Variants in NAA11 observed in about 807,000 individuals in gnomAD.
NAA11 encodes the protein N-alpha-acetyltransferase 11, NatA catalytic subunit.
NAA11 carries 15 observed loss-of-function variants against 16.1 expected under a neutral mutation model. The ratio of observed to expected loss-of-function variants is 0.93; its 90% CI spans 0.62 to 1.44. The LOEUF (loss-of-function observed/expected upper bound fraction) is 1.44, where lower values mean the gene tolerates loss of function less well. Ranked by LOEUF, NAA11 falls within the 40% of genes most tolerant of loss-of-function variation. The probability of loss-of-function intolerance (pLI) is 0.00; values close to 1 mark genes in which losing one functional copy is unlikely to be tolerated. For synonymous variants in NAA11, 122 were observed against 112.4 expected, an observed-to-expected ratio of 1.09 and a Z score of -0.54; for missense variants, 298 against 291.3, an observed-to-expected ratio of 1.02 and a Z score of -0.17.
intron 1 of NAA11, chr4:79,299,714 C>T (rs1407283923): frequency 9.2e-5 from 14 of 152,120 alleles, no homozygotes; most frequent in Admixed American, 9.2e-4. Context: ...ATTGTTTCCT[C>T]ATTTTATGGA....
downstream of NAA11, among the ~76,000 whole-genome samples, chr4:79,223,508 G>C (rs1484667492): frequency 9.0e-6 from 1 of 111,370 alleles, no homozygotes; most frequent in Non-Finnish European, 1.8e-5. Flanking sequence ...GGTGGGGGGA[G>C]GGGGGAGGGA....
chr4:79,212,877 C>T, the NAA11 span, among the ~76,000 whole-genome samples: 1 of 151,964 alleles, frequency 6.6e-6, no homozygotes, highest in Non-Finnish European at 1.5e-5. Context: ...GAACATATCC[C>T]CCAAGGATAA....
chr4:79,299,725 T>C (rs1344707486), intron 1 of NAA11, among the ~76,000 whole-genome samples: 1 of 152,148 alleles, frequency 6.6e-6, no homozygotes, highest in Non-Finnish European at 1.5e-5. Context: ...ATTTTATGGA[T>C]AAAGAATCTC....
At chr4:79,283,361 C>T (rs1560447142) in intron 2 of NAA11, among the ~76,000 whole-genome samples, 1 of 151,558 alleles carries the variant, frequency 6.6e-6, no homozygotes, top group East Asian at 1.9e-4. Flanking sequence ...GTCATAATTA[C>T]GGAAGGTAAC....
At chr4:79,311,919 A>G (rs1723782291), downstream of NAA11, among the ~76,000 whole-genome samples, 1 of 152,232 alleles carries the variant, frequency 6.6e-6, no homozygotes, top group African/African-American at 2.4e-5. Flanking sequence ...AAGGAACTCA[A>G]ATTCTGCATT....
intron 2 of NAA11, among the ~76,000 whole-genome samples, chr4:79,260,274 TTGTCATTTA>T (rs1722219460): frequency 6.6e-6 from 1 of 152,232 alleles, no homozygotes; most frequent in Admixed American, 6.5e-5. Flanking sequence ...TGGGAATATT[TTGTCATTTA>T]GTTTTGTTGC....
chr4:79,272,768 G>A (rs769419929), intron 2 of NAA11, among the ~76,000 whole-genome samples: 7 of 151,852 alleles, frequency 4.6e-5, no homozygotes, highest in African/African-American at 1.7e-4. Flanking sequence ...CATTTTTTCC[G>A]ATGCTCACAT....
the NAA11 span, among the ~76,000 whole-genome samples, chr4:79,190,150 G>A: frequency 6.6e-6 from 1 of 151,918 alleles, no homozygotes; most frequent in South Asian, 2.1e-4. Flanking sequence ...TTACAATTTC[G>A]GGAAAAATCC....
At chr4:79,245,975 A>G (rs1417119754) in intron 2 of NAA11, among the ~76,000 whole-genome samples, 3 of 149,130 alleles carry the variant, frequency 2.0e-5, no homozygotes, top group African/African-American at 5.2e-5. Flanking sequence ...TCAGATTGTT[A>G]CTGTGTCTGT....
chr4:79,305,814 A>G (rs972962378), intron 1 of NAA11, among the ~76,000 whole-genome samples: 6 of 152,168 alleles, frequency 3.9e-5, no homozygotes, highest in Non-Finnish European at 8.8e-5. Flanking sequence ...GGTATAACAT[A>G]ATAATCCTCA....
At chr4:79,315,780 T>C (rs1723910433), downstream of NAA11, among the ~76,000 whole-genome samples, 2 of 152,170 alleles carry the variant, frequency 1.3e-5, no homozygotes, top group Admixed American at 1.3e-4. Context: ...AAAAAGCCAC[T>C]GCTGCTGCTA....
intron 1 of NAA11, among the ~76,000 whole-genome samples, chr4:79,323,695 C>A (rs537186066): frequency 4.1e-4 from 63 of 152,178 alleles, no homozygotes; most frequent in Admixed American, 1.8e-3. Flanking sequence ...GTGGCAGGCG[C>A]CTGTAGTCCC....
intron 2 of NAA11, among the ~76,000 whole-genome samples, chr4:79,282,151 G>A (rs1722807076): frequency 6.6e-6 from 1 of 152,064 alleles, no homozygotes; most frequent in Admixed American, 6.6e-5. Flanking sequence ...AGAACGAATG[G>A]CATGCTTGGC....
At chr4:79,195,585 A>T in the NAA11 span, among the ~76,000 whole-genome samples, 2 of 152,058 alleles carry the variant, frequency 1.3e-5, no homozygotes, top group Non-Finnish European at 2.9e-5. Context: ...CAGCTAAAAA[A>T]ACTGCCCTCT....
chr4:79,182,527 T>C, the NAA11 span, among the ~76,000 whole-genome samples: 9 of 152,288 alleles, frequency 5.9e-5, no homozygotes, highest in Admixed American at 2.0e-4. Context: ...GAGAGATTGT[T>C]CCCCAATTAA....
At chr4:79,187,381 C>G in the NAA11 span, among the ~76,000 whole-genome samples, 1 of 152,114 alleles carries the variant, frequency 6.6e-6, no homozygotes, top group Non-Finnish European at 1.5e-5. Context: ...TAACTCAGTT[C>G]ACAGGCATTA....
intron 2 of NAA11, among the ~76,000 whole-genome samples, chr4:79,272,505 A>G (rs899671449): frequency 3.9e-5 from 6 of 152,074 alleles, no homozygotes; most frequent in Non-Finnish European, 8.8e-5. Flanking sequence ...TTCATTGACA[A>G]TGGAATGAGA....
chr4:79,164,036 A>G, the NAA11 span, among the ~76,000 whole-genome samples: 2 of 151,592 alleles, frequency 1.3e-5, no homozygotes, highest in East Asian at 3.9e-4. Context: ...CTTTGCTGAT[A>G]TTACCTCTCC....
chr4:79,277,144 C>CT (rs149748528), intron 2 of NAA11, among the ~76,000 whole-genome samples: 3,407 of 152,254 alleles, frequency 0.022, 139 homozygotes, highest in African/African-American at 0.077. Context: ...ATTGCAAGGT[C>CT]TGACTGCTCT....
Sources: gnomAD v4.1 joint callset for allele counts (sites outside exome capture counted in the v4.1 genomes callset) on GRCh38, gnomAD v4.1.1 for gene constraint, MANE v1.5 for transcripts, NCBI Gene and HGNC (gene_info 2026-07-23, HGNC 2026-07-21) for gene names.